RAB3C: variants seen among roughly 807,000 people sequenced by gnomAD.
RAB3C encodes the protein ras-related protein Rab-3C.
In RAB3C, 17 loss-of-function variants were observed where a neutral mutation model predicts 26.4. The ratio of observed to expected loss-of-function variants is 0.64; its 90% CI spans 0.44 to 0.97. The LOEUF is 0.97. Among genes scored for constraint, RAB3C ranks in the 50% least tolerant of loss-of-function variants. The pLI, the probability that RAB3C is intolerant of heterozygous loss-of-function variation, is 0.00. For synonymous variants in RAB3C, 91 were observed against 95.9 expected, an observed-to-expected ratio of 0.95 and a Z score of 0.30; for missense variants, 242 against 281.9, an observed-to-expected ratio of 0.86 and a Z score of 1.01.
chr5:58,787,516 A>C (rs1375630542), intron 3 of RAB3C, among the ~76,000 whole-genome samples: 2 of 152,202 alleles, frequency 1.3e-5, no homozygotes, highest in South Asian at 2.1e-4. Flanking sequence ...TTGAAAAATA[A>C]GTTTTTAATT....
intron 3 of RAB3C, among the ~76,000 whole-genome samples, chr5:58,800,157 A>C (rs993655792): frequency 6.6e-6 from 1 of 152,216 alleles, no homozygotes; most frequent in Non-Finnish European, 1.5e-5. Context: ...ACCTAATACA[A>C]TTCTTTGGCA....
At chr5:58,612,520 GTATATA>G (rs200928384) in intron 1 of RAB3C, among the ~76,000 whole-genome samples, 4,982 of 78,752 alleles carry the variant, frequency 0.063, 121 homozygotes, top group South Asian at 0.14. Context: ...GTGTGTGTGT[GTATATA>G]TATATATATA....
intron 2 of RAB3C, among the ~76,000 whole-genome samples, chr5:58,638,821 A>G (rs945542600): frequency 6.6e-6 from 1 of 152,224 alleles, no homozygotes; most frequent in Admixed American, 6.5e-5. Context: ...AGATCAAAAT[A>G]TAGTAACAGG....
At chr5:58,804,567 C>T (rs1742890092) in intron 3 of RAB3C, among the ~76,000 whole-genome samples, 2 of 152,102 alleles carry the variant, frequency 1.3e-5, no homozygotes. Context: ...TCTTTAGCAC[C>T]TTATTTGCAA....
chr5:58,809,792 C>T (rs1327704109), intron 3 of RAB3C, among the ~76,000 whole-genome samples: 1 of 152,196 alleles, frequency 6.6e-6, no homozygotes, highest in East Asian at 1.9e-4. Flanking sequence ...ATCAGTCTTA[C>T]TTTGAGCTTG....
At chr5:58,626,425 G>A (rs1747053610) in intron 2 of RAB3C, among the ~76,000 whole-genome samples, 1 of 151,986 alleles carries the variant, frequency 6.6e-6, no homozygotes, top group Non-Finnish European at 1.5e-5. Context: ...TGAACACATT[G>A]GTGTTACTTT....
intron 3 of RAB3C, among the ~76,000 whole-genome samples, chr5:58,805,039 G>T (rs1315495130): frequency 6.6e-6 from 1 of 151,292 alleles, no homozygotes; most frequent in Admixed American, 6.6e-5. Context: ...AATTTATTCA[G>T]ATATGTAAAT....
At chr5:58,684,241 G>A (rs767048884) in intron 2 of RAB3C, among the ~76,000 whole-genome samples, 9 of 152,284 alleles carry the variant, frequency 5.9e-5, no homozygotes, top group East Asian at 3.9e-4. Context: ...GAGGATCTGC[G>A]TAAGTTATAT....
intron 3 of RAB3C, among the ~76,000 whole-genome samples, chr5:58,728,449 A>G (rs895712295): frequency 1.3e-5 from 2 of 151,920 alleles, no homozygotes; most frequent in East Asian, 1.9e-4. Flanking sequence ...GTTAATCCAA[A>G]CCATTCATTT....
intron 3 of RAB3C, among the ~76,000 whole-genome samples, chr5:58,815,509 G>T (rs926748972): frequency 4.6e-5 from 7 of 152,292 alleles, no homozygotes; most frequent in African/African-American, 1.7e-4. Flanking sequence ...AGACTGTGAT[G>T]GGGTGAACAC....
At chr5:58,840,572 T>G (rs1277426724) in intron 4 of RAB3C, among the ~76,000 whole-genome samples, 1 of 152,234 alleles carries the variant, frequency 6.6e-6, no homozygotes, top group Non-Finnish European at 1.5e-5. Flanking sequence ...CTGATTTCTA[T>G]GCACGTGGTA....
chr5:58,747,435 A>G (rs777199437), intron 3 of RAB3C, among the ~76,000 whole-genome samples: 5 of 152,202 alleles, frequency 3.3e-5, no homozygotes, highest in Non-Finnish European at 5.9e-5. Flanking sequence ...ACCGGAGAAT[A>G]GTAGAACATT....
intron 3 of RAB3C, among the ~76,000 whole-genome samples, chr5:58,753,864 A>G (rs1015104719): frequency 6.6e-6 from 1 of 152,238 alleles, no homozygotes; most frequent in Non-Finnish European, 1.5e-5. Context: ...TTTAGGCTGC[A>G]GTGGGACCCT....
At chr5:58,798,171 A>G (rs771019624) in intron 3 of RAB3C, among the ~76,000 whole-genome samples, 1 of 152,156 alleles carries the variant, frequency 6.6e-6, no homozygotes, top group Non-Finnish European at 1.5e-5. Flanking sequence ...TTTTTCAACC[A>G]TGATTGTAGT....
intron 2 of RAB3C, among the ~76,000 whole-genome samples, chr5:58,697,936 G>T (rs1197725438): frequency 7.9e-5 from 12 of 152,088 alleles, no homozygotes; most frequent in Non-Finnish European, 7.4e-5. Flanking sequence ...GGTTAATATT[G>T]TTATATGTGA....
At chr5:58,804,695 A>G (rs1579927543) in intron 3 of RAB3C, among the ~76,000 whole-genome samples, 2 of 148,818 alleles carry the variant, frequency 1.3e-5, no homozygotes, top group South Asian at 4.2e-4. Flanking sequence ...GTGTGTATGT[A>G]TGTATGTATC....
intron 3 of RAB3C, among the ~76,000 whole-genome samples, chr5:58,764,115 G>A (rs145674110): frequency 4.9e-4 from 75 of 152,222 alleles, no homozygotes; most frequent in Non-Finnish European, 8.8e-4. Flanking sequence ...TCTTTTTGTG[G>A]AACTCAACAC....
chr5:58,818,202 G>A (rs894826820), intron 3 of RAB3C, among the ~76,000 whole-genome samples: 1 of 152,176 alleles, frequency 6.6e-6, no homozygotes, highest in African/African-American at 2.4e-5. Flanking sequence ...GAACTCATAG[G>A]CGATTACTTA....
chr5:58,706,399 G>A (rs916115463), intron 2 of RAB3C, among the ~76,000 whole-genome samples: 2 of 152,076 alleles, frequency 1.3e-5, no homozygotes, highest in African/African-American at 4.8e-5. Context: ...TTATAGGATA[G>A]GAAAAGCAGA....
Sources: allele counts gnomAD v4.1 joint callset (sites outside exome capture counted in the v4.1 genomes callset), GRCh38; gene constraint gnomAD v4.1.1; transcripts MANE v1.5; gene names NCBI Gene and HGNC (gene_info 2026-07-23, HGNC 2026-07-21).